NETO1: variants seen among roughly 807,000 people sequenced by gnomAD.
The protein encoded by NETO1 is neuropilin and tolloid-like protein 1.
NETO1 carries 26 observed loss-of-function variants against 61.3 expected under a neutral mutation model. That is an observed-to-expected ratio of 0.42 (90% CI 0.31 to 0.59). The LOEUF is 0.59. NETO1 is among the 20% of genes least tolerant of loss of function. NETO1 has a pLI of 0.12. For synonymous variants in NETO1, 225 were observed against 225.8 expected, an observed-to-expected ratio of 1.00 and a Z score of 0.03; for missense variants, 531 against 662.8, an observed-to-expected ratio of 0.80 and a Z score of 2.18.
chr18:72,839,065 G>A (rs980806925), intron 4 of NETO1, among the ~76,000 whole-genome samples: 2 of 152,130 alleles, frequency 1.3e-5, no homozygotes, highest in African/African-American at 2.4e-5. Context: ...ATTCACAACC[G>A]CTTGACCTTT....
Position 72,844,168 on chromosome 18 carries a change from G to GCAGCCA in NETO1, c.469+14652_469+14657dup, listed in dbSNP as rs948223193. Among the ~76,000 whole-genome samples the GCAGCCA allele has an allele frequency of 7.5e-4, 114 of 152,260 alleles. 1 individual carries two copies. The highest frequency in any genetic ancestry group is 1.1e-3 in the Non-Finnish European group (76 of 68,010). On this transcript the variant is annotated intron_variant, in intron 4 of 10. Transcript: ENST00000327305. ...ACCAACCACCAAATTACTAAGAACA[G>GCAGCCA]CAGCCACAGTCGTTTCTACTTCTCT...
At chr18:72,792,533 T>G (rs1245856848) in intron 6 of NETO1, among the ~76,000 whole-genome samples, 1 of 151,814 alleles carries the variant, frequency 6.6e-6, no homozygotes, top group Admixed American at 6.6e-5. Flanking sequence ...ATTTCCCTCA[T>G]GTTGGACCAC....
In NETO1 at chr18:72,833,306, C is replaced by G. The variant is rs2226852; in HGVS notation, c.469+25520G>C. ...CTGGTTAAATCCTCCTACTTTAGATCTGTACTTGAATGCTAATATTTCAAG... is the reference window on the plus strand; with the variant it reads ...CTGGTTAAATCCTCCTACTTTAGATGTGTACTTGAATGCTAATATTTCAAG... On this transcript the variant is annotated intron_variant, in intron 4 of 10. Coordinates refer to ENST00000327305, the MANE Select transcript of NETO1 (RefSeq NM_138966.5). Among the ~76,000 whole-genome samples, 123 of 152,268 alleles carry G rather than the reference C, an allele frequency of 8.1e-4. 1 individual carries two copies. The South Asian group carries it at 0.023, about 28-fold the overall frequency.
At chr18:72,821,602 T>C (rs555569938) in intron 4 of NETO1, among the ~76,000 whole-genome samples, 54 of 151,062 alleles carry the variant, frequency 3.6e-4, no homozygotes, top group Admixed American at 3.9e-4. Flanking sequence ...AAGAATCATG[T>C]ACTACTTAGC....
At chr18:72,756,878 G>A (rs2070802214) in intron 7 of NETO1, among the ~76,000 whole-genome samples, 1 of 152,020 alleles carries the variant, frequency 6.6e-6, no homozygotes, top group Admixed American at 6.5e-5. Flanking sequence ...GAGAAAACAT[G>A]AGTTTAATAT....
intron 4 of NETO1, among the ~76,000 whole-genome samples, chr18:72,823,255 C>T (rs1417251765): frequency 6.6e-6 from 1 of 152,146 alleles, no homozygotes; most frequent in East Asian, 1.9e-4. Context: ...TAGTGAGAGA[C>T]AATATGAAGT....
intron 9 of NETO1, among the ~76,000 whole-genome samples, chr18:72,749,591 ATACATT>A (rs1417853790): frequency 6.6e-6 from 1 of 152,124 alleles, no homozygotes; most frequent in East Asian, 1.9e-4. Context: ...CCAAAAATAA[ATACATT>A]ATATTGAAAA....
intron 4 of NETO1, among the ~76,000 whole-genome samples, chr18:72,851,684 G>T (rs570262999): frequency 6.6e-6 from 1 of 152,100 alleles, no homozygotes; most frequent in African/African-American, 2.4e-5. Context: ...TGGACATTGC[G>T]AGTGGAAAAA....
At position 72,798,400 on chromosome 18, in the gene NETO1, G is replaced by C. The variant is rs1343290518; in HGVS notation, c.470-3996C>G. Among the ~76,000 whole-genome samples the C allele has an allele frequency of 2.6e-5, 4 of 152,310 alleles. No individual in the cohort carries two copies. The South Asian group carries it at 6.2e-4, about 24-fold the overall frequency. ...CAGATGAACATTAGCAAAGAAGTTTGACTGCACAGAGACCATAATAAAGCA... is the reference window on the plus strand; with the variant it reads ...CAGATGAACATTAGCAAAGAAGTTTCACTGCACAGAGACCATAATAAAGCA... On this transcript the variant is annotated intron_variant, in intron 4 of 10. Transcript: ENST00000327305.
intron 4 of NETO1, among the ~76,000 whole-genome samples, chr18:72,805,125 G>A (rs1478659806): frequency 1.3e-5 from 2 of 152,138 alleles, no homozygotes; most frequent in African/African-American, 4.8e-5. Context: ...CTAACATGCA[G>A]CACCAATATT....
Position 72,858,903 on chromosome 18 carries a change from C to T in NETO1, c.392G>A (p.Arg131Lys). 6.2e-7 allele frequency: 1 copy of T among 1,613,860 alleles called. No individual in the cohort carries two copies. Among genetic ancestry groups the T allele is most frequent in the Non-Finnish European group, 8.5e-7 (1 of 1,179,852 alleles). ...QNPPVIKSSGRFLWIKFFADG... is the reference protein window; with the variant it reads ...QNPPVIKSSGKFLWIKFFADG... Reference sequence around the variant, plus strand: ...AGCAAAAAATTTAATCCATAGAAATCTTCCACTGGATTTTATGACAGGTGG... The same window carrying T: ...AGCAAAAAATTTAATCCATAGAAATTTTCCACTGGATTTTATGACAGGTGG... Residue 131 changes from arginine to lysine, a missense_variant, in exon 4 of 11, where the codon AGA (arginine) becomes AAA (lysine). Physicochemically the swap from Arg to Lys is conservative, Grantham distance 26. Coordinates refer to ENST00000327305, the MANE Select transcript of NETO1 (RefSeq NM_138966.5).
At chr18:72,822,228 C>T (rs953294448) in intron 4 of NETO1, among the ~76,000 whole-genome samples, 2 of 152,170 alleles carry the variant, frequency 1.3e-5, no homozygotes, top group Non-Finnish European at 2.9e-5. Flanking sequence ...TTAACTAGGG[C>T]TCAAGTCTCA....
chr18:72,837,243 G>A (rs2073779989), intron 4 of NETO1, among the ~76,000 whole-genome samples: 1 of 152,098 alleles, frequency 6.6e-6, no homozygotes, highest in Non-Finnish European at 1.5e-5. Context: ...GCGCAAGTTT[G>A]GACATCATAA....
intron 7 of NETO1, among the ~76,000 whole-genome samples, chr18:72,773,551 G>C (rs902294916): frequency 6.6e-6 from 1 of 152,222 alleles, no homozygotes; most frequent in Admixed American, 6.5e-5. Flanking sequence ...TCAAGCGCAG[G>C]AACAGGTGGA....
Position 72,788,732 on chromosome 18 carries a change from T to C in NETO1, c.640-4826A>G, listed in dbSNP as rs1598999030. On this transcript the variant is annotated intron_variant, in intron 6 of 10. Coordinates refer to ENST00000327305, the MANE Select transcript of NETO1 (RefSeq NM_138966.5). The stretch of plus-strand genomic sequence containing the variant: ...GAAAACTTCAAAACATATAAATAAT[T>C]TCTAGTAATATCTATTTTTCAAATC... 2.0e-5 allele frequency among the ~76,000 whole-genome samples: 3 copies of C among 152,062 alleles called. No homozygotes were observed. In the East Asian group the frequency reaches 5.8e-4, roughly 29 times the overall value.
At chr18:72,837,257 T>C (rs546090868) in intron 4 of NETO1, among the ~76,000 whole-genome samples, 7 of 152,296 alleles carry the variant, frequency 4.6e-5, no homozygotes, top group African/African-American at 1.7e-4. Flanking sequence ...ATCATAAACA[T>C]GTGCAGGGTA....
At chr18:72,813,431 A>G (rs1250672262) in intron 4 of NETO1, among the ~76,000 whole-genome samples, 2 of 152,210 alleles carry the variant, frequency 1.3e-5, no homozygotes, top group African/African-American at 2.4e-5. Flanking sequence ...TCACAGGCGC[A>G]TAAGACCTGA....
chr18:72,793,598 A>G (rs1018420000), intron 6 of NETO1, among the ~76,000 whole-genome samples: 1 of 152,162 alleles, frequency 6.6e-6, no homozygotes, highest in African/African-American at 2.4e-5. Flanking sequence ...CATCACAAGG[A>G]GCTTCATGGG....
intron 4 of NETO1, among the ~76,000 whole-genome samples, chr18:72,827,108 A>G (rs542089158): frequency 1.0e-5 from 1 of 96,532 alleles, no homozygotes; most frequent in Non-Finnish European, 2.3e-5. Context: ...TTTTTTTCCA[A>G]ATCCGTAAGT....
Sources: allele counts gnomAD v4.1 joint callset (sites outside exome capture counted in the v4.1 genomes callset), GRCh38; gene constraint gnomAD v4.1.1; transcripts MANE v1.5; gene names NCBI Gene and HGNC (gene_info 2026-07-23, HGNC 2026-07-21).